The following CEP43 variants were observed in gnomAD, a reference collection of about 807,000 sequenced individuals.
The protein encoded by CEP43 is centrosomal protein 43, also known as FGFR1 oncogene partner.
In CEP43, 36 loss-of-function variants were observed where a neutral mutation model predicts 52.6. The ratio of observed to expected loss-of-function variants is 0.68; its 90% CI spans 0.52 to 0.90. The LOEUF is 0.90. Among genes scored for constraint, CEP43 ranks in the 40% least tolerant of loss-of-function variants. CEP43 has a pLI of 0.00. For missense variants in CEP43, 506 were observed against 472.8 expected (o/e 1.07, Z -0.65); for synonymous variants, 192 against 172.4 (o/e 1.11, Z -0.89).
At chr6:167,012,752 C>T (rs1780012891) in intron 6 of CEP43, among the ~76,000 whole-genome samples, 2 of 152,128 alleles carry the variant, frequency 1.3e-5, no homozygotes, top group Admixed American at 1.3e-4. Context: ...TTAAGTCAGT[C>T]AGGAAATGAT....
At chr6:167,014,024 A>AC (rs552869270) in intron 7 of CEP43, among the ~76,000 whole-genome samples, 5 of 152,202 alleles carry the variant, frequency 3.3e-5, no homozygotes, top group Non-Finnish European at 7.4e-5. Flanking sequence ...TTTCACTGTC[A>AC]GTTTTTATCC....
At chr6:167,002,343 A>G (rs2128656872) in intron 2 of CEP43, among the ~76,000 whole-genome samples, 1 of 152,304 alleles carries the variant, frequency 6.6e-6, no homozygotes, top group East Asian at 1.9e-4. Flanking sequence ...TCATTAATAC[A>G]TTGTACAGAT....
At chr6:167,000,219 A>C (rs1779703008) in intron 2 of CEP43, 106 bp downstream of exon 2, 32 of 837,330 alleles carry the variant, frequency 3.8e-5, no homozygotes, top group Middle Eastern at 7.1e-4. Flanking sequence ...AGCTAGGGAT[A>C]ATTTTGAACT....
chr6:167,033,623 T>C (rs1406316843), intron 11 of CEP43, among the ~76,000 whole-genome samples: 1 of 152,216 alleles, frequency 6.6e-6, no homozygotes, highest in Non-Finnish European at 1.5e-5. Context: ...CTGGGTTTGT[T>C]TCTTTCTTGC....
chr6:167,007,472 C>T (rs1344240017), intron 5 of CEP43, among the ~76,000 whole-genome samples: 5 of 152,034 alleles, frequency 3.3e-5, no homozygotes, highest in Admixed American at 2.6e-4. Flanking sequence ...TGCTAGTTTT[C>T]CCTTCCTAAT....
intron 2 of CEP43, among the ~76,000 whole-genome samples, chr6:167,002,855 G>T (rs1779768867): frequency 6.6e-6 from 1 of 152,210 alleles, no homozygotes; most frequent in African/African-American, 2.4e-5. Flanking sequence ...ATAAATGGTA[G>T]ATACCTGAGA....
chr6:167,015,979 A>G (rs1060404), intron 7 of CEP43, among the ~76,000 whole-genome samples: 53,195 of 151,830 alleles, frequency 0.35, 10,421 homozygotes, highest in Non-Finnish European at 0.46. Flanking sequence ...TGAAATATAT[A>G]TTAATACTTG....
In CEP43 at chr6:167,042,422, G is replaced by A. The variant is rs377474012; in HGVS notation, c.*2444G>A. The A allele has an allele frequency of 6.1e-5, 58 of 947,220 alleles. No homozygotes were observed. Among genetic ancestry groups the A allele is most frequent in the South Asian group, 2.0e-4 (4 of 20,204 alleles). The allele number at this position is 947,220 out of a possible 1,614,324, so 58.7% of individuals were successfully genotyped here. On this transcript the variant is annotated 3_prime_UTR_variant, in exon 13 of 13. Transcript: ENST00000366847. ...GCATTTATTCTCTTTGTTGATATTC[G>A]GTTGTGCTTTTATACTTTATGTTGG...
At position 167,030,022 on chromosome 6, in the gene CEP43, A is replaced by G. The variant is rs965611321; in HGVS notation, c.989-2581A>G. ...TAGGGTAGGGCAGAAACAAATCACAATGGTGGAATGTCATCAGTTAAGGCT... is the reference window on the plus strand; with the variant it reads ...TAGGGTAGGGCAGAAACAAATCACAGTGGTGGAATGTCATCAGTTAAGGCT... On this transcript the variant is annotated intron_variant, in intron 10 of 12. Transcript: ENST00000366847. 2.6e-5 allele frequency among the ~76,000 whole-genome samples: 4 copies of G among 152,226 alleles called. 1 individual carries two copies. Among genetic ancestry groups the G allele is most frequent in the African/African-American group, 9.6e-5 (4 of 41,470 alleles).
chr6:167,025,011 A>G (rs1245397262), intron 9 of CEP43, 117 bp downstream of exon 9: 9 of 643,332 alleles, frequency 1.4e-5, no homozygotes, highest in Non-Finnish European at 2.2e-5. Context: ...CTATCATTTT[A>G]TCACTCAGAG....
At chr6:167,000,974 G>C (rs921621894) in intron 2 of CEP43, among the ~76,000 whole-genome samples, 1 of 152,198 alleles carries the variant, frequency 6.6e-6, no homozygotes, top group African/African-American at 2.4e-5. Context: ...CAAATTGGCA[G>C]GTACCAACCT....
rs1455241174 is a variant in CEP43 at position 167,040,099 on chromosome 6, A to C, written c.*121A>C. On this transcript the variant is annotated 3_prime_UTR_variant, in exon 13 of 13. Transcript: ENST00000366847. ...CTCTATTGGTGCCTTGCATTTCAAAAACACTGCAGATATTTTTTAAAAGTA... is the reference window on the plus strand; with the variant it reads ...CTCTATTGGTGCCTTGCATTTCAAACACACTGCAGATATTTTTTAAAAGTA... 6.3e-7 allele frequency: 1 copy of C among 1,599,302 alleles called. No homozygotes were observed. The highest frequency in any genetic ancestry group is 1.8e-5 in the Admixed American group (1 of 57,012).
chr6:167,004,790 T>C (rs1779814795), intron 5 of CEP43, among the ~76,000 whole-genome samples: 1 of 152,232 alleles, frequency 6.6e-6, no homozygotes, highest in Admixed American at 6.5e-5. Flanking sequence ...CAACTTGCTA[T>C]TATTTTTATT....
At chr6:167,034,893 C>T (rs934978952) in intron 12 of CEP43, among the ~76,000 whole-genome samples, 4 of 150,012 alleles carry the variant, frequency 2.7e-5, no homozygotes, top group Non-Finnish European at 4.5e-5. Flanking sequence ...TATTATATAC[C>T]CTTATAATTA....
intron 12 of CEP43, among the ~76,000 whole-genome samples, chr6:167,037,896 G>A (rs1780615220): frequency 6.6e-6 from 1 of 152,122 alleles, no homozygotes; most frequent in South Asian, 2.1e-4. Flanking sequence ...AGCCATAGAC[G>A]ATGCCTAAGA....
rs563206678 is a variant in CEP43, at chr6:167,040,043, T to C, written c.*65T>C. On this transcript the variant is annotated 3_prime_UTR_variant, in exon 13 of 13. Coordinates refer to ENST00000366847, the MANE Select transcript of CEP43 (RefSeq NM_007045.4). Reference sequence around the variant, plus strand: ...ACTGACCGGTTCCATTTTTTTTTTTTCCAGACAATCACTCAGCTGGAATGT... The same window carrying C: ...ACTGACCGGTTCCATTTTTTTTTTTCCCAGACAATCACTCAGCTGGAATGT... 6.2e-7 allele frequency: 1 copy of C among 1,612,334 alleles called. No individual in the cohort carries two copies. The highest frequency in any genetic ancestry group is 1.3e-5 in the African/African-American group (1 of 74,842).
chr6:167,010,741 C>G, intron 5 of CEP43, 72 bp from the exon 6 acceptor site: 1 of 650,110 alleles, frequency 1.5e-6, no homozygotes, highest in South Asian at 3.0e-5. Flanking sequence ...TGCTAAAATT[C>G]TATTGGAGTG....
intron 12 of CEP43, chr6:167,036,411 C>A (rs1396162898): frequency 1.0e-6 from 1 of 985,238 alleles, no homozygotes; most frequent in Admixed American, 6.2e-5. Flanking sequence ...AGAGGATGAA[C>A]TAGGAGCAGA....
Position 167,042,443 on chromosome 6 carries a change from G to C in CEP43, c.*2465G>C, listed in dbSNP as rs967161231. 9.2e-5 allele frequency: 83 copies of C among 902,230 alleles called. No homozygotes were observed. The highest frequency in any genetic ancestry group is 2.5e-4 in the Admixed American group (4 of 16,298). 55.9% of individuals were successfully genotyped at this position (902,230 alleles called of 1,614,324 possible). On this transcript the variant is annotated 3_prime_UTR_variant, in exon 13 of 13. Coordinates refer to ENST00000366847, the MANE Select transcript of CEP43 (RefSeq NM_007045.4). ...ATTCGGTTGTGCTTTTATACTTTAT[G>C]TTGGATAACAACCTGTGGGCAGTTG...
Sources: allele counts gnomAD v4.1 joint callset (sites outside exome capture counted in the v4.1 genomes callset), GRCh38; gene constraint gnomAD v4.1.1; transcripts MANE v1.5; gene names NCBI Gene and HGNC (gene_info 2026-07-23, HGNC 2026-07-21).